FLNC: variants seen among roughly 807,000 people sequenced by gnomAD.
FLNC encodes filamin C.
FLNC carries 91 observed loss-of-function variants against 254.3 expected under a neutral mutation model. The observed-to-expected ratio is 0.36, with a 90% CI of 0.30 to 0.43. The LOEUF (loss-of-function observed/expected upper bound fraction) is 0.43. FLNC is among the 20% of genes least tolerant of loss of function. The pLI is 1.00. For synonymous variants in FLNC, 1,430 were observed against 1,577.2 expected (o/e 0.91, Z 2.21); for missense variants, 2,853 against 3,802.6 (o/e 0.75, Z 6.57).
At chr7:128,843,186 G>C in intron 16 of FLNC, 43 bp from the exon 17 acceptor site, 1 of 1,522,958 alleles carries the variant, frequency 6.6e-7, no homozygotes, top group Admixed American at 1.9e-5. Flanking sequence ...GAGCAGGGGT[G>C]TGTTCCCCTC....
At chr7:128,844,326 GTC>G (rs1808466061) in intron 20 of FLNC, 60 bp downstream of exon 20, 1 of 1,537,034 alleles carries the variant, frequency 6.5e-7, no homozygotes, top group Non-Finnish European at 8.8e-7. Context: ...AGATAGATGA[GTC>G]ATAGGGGGCA....
intron 1 of FLNC, among the ~76,000 whole-genome samples, chr7:128,834,837 A>G (rs2128933496): frequency 6.6e-6 from 1 of 151,750 alleles, no homozygotes; most frequent in South Asian, 2.1e-4. Flanking sequence ...GTGTGCAAGG[A>G]AACTTTGGGG....
chr7:128,847,707 C>A lies in FLNC; in HGVS notation c.4299C>A (p.Phe1433Leu). The change falls in exon 25 of 48, where the codon TTC (phenylalanine) becomes TTA (leucine). Residue 1433 changes from phenylalanine (F) to leucine (L), a missense_variant. By Grantham distance (22) the Phe-to-Leu change is conservative. Coordinates refer to ENST00000325888, the MANE Select transcript of FLNC (RefSeq NM_001458.5). Reference protein sequence around the residue: ...FGGRPIPGSPFRVPVKDVVDP... With the variant: ...FGGRPIPGSPLRVPVKDVVDP... Reference sequence around the variant, plus strand: ...TCCTTCTCCTCACAGGGAGCCCGTTCCGCGTGCCAGTGAAGGATGTGGTGG... The same window carrying A: ...TCCTTCTCCTCACAGGGAGCCCGTTACGCGTGCCAGTGAAGGATGTGGTGG... The A allele has an allele frequency of 6.2e-7, 1 of 1,614,040 alleles. No individual in the cohort carries two copies. Among genetic ancestry groups the A allele is most frequent in the African/African-American group, 1.3e-5 (1 of 75,050 alleles).
rs981816775 is a variant in FLNC, at chr7:128,852,996, A to G, written c.6173A>G (p.Gln2058Arg). ...GKGLSEGHTF[Q>R]VAEFIVDTRN... Reference sequence around the variant, plus strand: ...GGGCTTTCCGAGGGACACACATTCCAGGTGGCAGAGTTCATCGTGGACACT... The same window carrying G: ...GGGCTTTCCGAGGGACACACATTCCGGGTGGCAGAGTTCATCGTGGACACT... Residue 2058 changes from glutamine to arginine, a missense_variant, in exon 37 of 48, where the codon CAG (glutamine) becomes CGG (arginine). Coordinates refer to ENST00000325888, the MANE Select transcript of FLNC (RefSeq NM_001458.5). 35 of 1,613,302 alleles carry G rather than the reference A, an allele frequency of 2.2e-5. No individual in the cohort carries two copies. Among genetic ancestry groups the G allele is most frequent in the Non-Finnish European group, 3.0e-5 (35 of 1,180,024 alleles).
chr7:128,839,077 G>A (rs146727082), intron 8 of FLNC, among the ~76,000 whole-genome samples: 153 of 152,360 alleles, frequency 1.0e-3, no homozygotes, highest in African/African-American at 3.6e-3. Context: ...AAGCCCTCAG[G>A]TGGTGACTGC....
intron 1 of FLNC, among the ~76,000 whole-genome samples, chr7:128,831,551 G>A (rs1172245530): frequency 1.3e-5 from 2 of 152,208 alleles, no homozygotes; most frequent in African/African-American, 4.8e-5. Context: ...AGGCCCGGGG[G>A]CCAGGACAGG....
At chr7:128,831,554 A>G (rs559942830) in intron 1 of FLNC, among the ~76,000 whole-genome samples, 73 of 152,286 alleles carry the variant, frequency 4.8e-4, no homozygotes, top group Non-Finnish European at 1.2e-4. Flanking sequence ...CCCGGGGGCC[A>G]GGACAGGCAG....
chr7:128,843,126 C>A, intron 16 of FLNC, 103 bp from the exon 17 acceptor site: 1 of 1,380,624 alleles, frequency 7.2e-7, no homozygotes, highest in Non-Finnish European at 1.0e-6. Flanking sequence ...GGAGGCTGCC[C>A]CTGTCCATGC....
At position 128,854,487 on chromosome 7, in the gene FLNC, G is replaced by A. The variant is rs1156444972; in HGVS notation, c.6802G>A (p.Glu2268Lys). Reference protein sequence around the residue: ...SGKVEAAEIVEGEDSAYSVRF... With the variant: ...SGKVEAAEIVKGEDSAYSVRF... ...CAAGGTGGAAGCCGCAGAGATCGTC[G>A]AGGGCGAGGACAGCGCCTACAGCGT... Residue 2268 changes from glutamate to lysine, a missense_variant, in exon 41 of 48, where the codon GAG (glutamate) becomes AAG (lysine). Transcript: ENST00000325888. The A allele has an allele frequency of 8.1e-6, 13 of 1,606,916 alleles. No homozygotes were observed. The highest frequency in any genetic ancestry group is 1.1e-5 in the South Asian group (1 of 89,754).
chr7:128,831,014 G>A, intron 1 of FLNC, 25 bp downstream of exon 1: 1 of 1,597,474 alleles, frequency 6.3e-7, no homozygotes, highest in Non-Finnish European at 8.5e-7. Flanking sequence ...CGAGGGCACG[G>A]GCGCTGCGGG....
In FLNC at chr7:128,847,959, G is replaced by A. The variant is rs186904046; in HGVS notation, c.4471G>A (p.Val1491Met). 152 of 1,613,516 alleles carry A rather than the reference G, an allele frequency of 9.4e-5. No homozygotes were observed. The highest frequency in any genetic ancestry group is 1.2e-4 in the Non-Finnish European group (147 of 1,179,740). ...VLGPTGVAEP[V>M]EVRDNGDGTH... ...CCCTTGCCCAGGTGTGGCCGAGCCTGTGGAGGTGCGGGACAATGGAGATGG... is the reference window on the plus strand; with the variant it reads ...CCCTTGCCCAGGTGTGGCCGAGCCTATGGAGGTGCGGGACAATGGAGATGG... The change falls in exon 26 of 48, where the codon GTG (valine) becomes ATG (methionine). Residue 1491 changes from valine to methionine, a missense_variant. Val to Met is a conservative substitution (Grantham distance 21). Coordinates refer to ENST00000325888, the MANE Select transcript of FLNC (RefSeq NM_001458.5).
chr7:128,835,290 G>T lies in FLNC; in HGVS notation c.353-36G>T. On this transcript the variant is annotated intron_variant, in intron 1 of 47. Transcript: ENST00000325888. This position sits in a 1 kb window ranked among gnomAD's most constrained non-coding sequence, Gnocchi z 5.3. The stretch of plus-strand genomic sequence containing the variant: ...GTGCTCTGGGGCAGTGGAGGGTGGG[G>T]CGCCCCTGAGCCCGTCTGTGCCCTC... 4 of 1,611,348 alleles carry T rather than the reference G, an allele frequency of 2.5e-6. No individual in the cohort carries two copies. Among genetic ancestry groups the T allele is most frequent in the Non-Finnish European group, 3.4e-6 (4 of 1,179,770 alleles).
Position 128,838,756 on chromosome 7 carries a change from C to A in FLNC, c.1364C>A (p.Ala455Glu). ...CCACATACCGTGCATGTGGCCTTTG[C>A]GGGTGCCCCCATCACCCGCAGTCCC... ...EGPHTVHVAFAGAPITRSPFP... is the reference protein window; with the variant it reads ...EGPHTVHVAFEGAPITRSPFP... The change falls in exon 8 of 48, where the codon GCG (alanine) becomes GAG (glutamate). Residue 455 changes from alanine to glutamate, a missense_variant. By Grantham distance (107) the Ala-to-Glu change is moderately radical. Transcript: ENST00000325888. 2 of 1,612,996 alleles carry A rather than the reference C, an allele frequency of 1.2e-6. No individual in the cohort carries two copies. The highest frequency in any genetic ancestry group is 1.7e-6 in the Non-Finnish European group (2 of 1,179,984).
In FLNC at chr7:128,853,598, A is replaced by G. The variant is rs1187242046; in HGVS notation, c.6338A>G (p.Lys2113Arg). 1.1e-5 allele frequency: 17 copies of G among 1,614,046 alleles called. No individual in the cohort carries two copies. The highest frequency in any genetic ancestry group is 1.4e-5 in the Non-Finnish European group (17 of 1,180,006). ...TEPGTYIINI[K>R]FADKHVPGSP... ...CCCGGCACCTACATCATCAACATCA[A>G]GTTTGCTGACAAGCACGTGCCTGGT... The change falls in exon 38 of 48, where the codon AAG (lysine) becomes AGG (arginine). Residue 2113 changes from lysine (K) to arginine (R), a missense_variant. By Grantham distance (26) the Lys-to-Arg change is conservative. Transcript: ENST00000325888.
chr7:128,847,520 C>G (rs1483637253), intron 24 of FLNC, among the ~76,000 whole-genome samples, 177 bp from the exon 25 acceptor site: 1 of 152,254 alleles, frequency 6.6e-6, no homozygotes, highest in Non-Finnish European at 1.5e-5. Context: ...AGTCTGCAGT[C>G]AAGTTCATTT....
chr7:128,840,030 C>G lies in FLNC; in HGVS notation c.1419C>G (p.Asn473Lys), dbSNP rs757254472. The G allele has an allele frequency of 1.2e-6, 2 of 1,613,554 alleles. No homozygotes were observed. Among genetic ancestry groups the G allele is most frequent in the Non-Finnish European group, 8.5e-7 (1 of 1,180,016 alleles). The change falls in exon 9 of 48, where the codon AAC becomes AAG. Residue 473 changes from asparagine to lysine, a missense_variant. By Grantham distance (94) the Asn-to-Lys change is moderately conservative (BLOSUM62 0). Coordinates refer to ENST00000325888, the MANE Select transcript of FLNC (RefSeq NM_001458.5). ...PFPVHVSEAC[N>K]PNACRASGRG... ...TTTCTCTTCCTCCCCTAGCCTGTAA[C>G]CCCAACGCCTGCCGCGCCTCTGGGC...
In FLNC at chr7:128,846,015, G is replaced by T; in HGVS notation, c.3816G>T (p.Glu1272Asp). Residue 1272 changes from glutamate (E) to aspartate (D), a missense_variant, in exon 22 of 48, where the codon GAG (glutamate) becomes GAT (aspartate). Coordinates refer to ENST00000325888, the MANE Select transcript of FLNC (RefSeq NM_001458.5). ...PHGVLREVTT[E>D]FTVDARSLTA... Reference sequence around the variant, plus strand: ...GTGTCCTGCGGGAGGTGACCACTGAGTTCACTGTGGATGCAAGATCCCTAA... The same window carrying T: ...GTGTCCTGCGGGAGGTGACCACTGATTTCACTGTGGATGCAAGATCCCTAA... 6.2e-7 allele frequency: 1 copy of T among 1,613,856 alleles called. No individual in the cohort carries two copies. Among genetic ancestry groups the T allele is most frequent in the South Asian group, 1.1e-5 (1 of 91,090 alleles).
chr7:128,858,696 G>C lies in FLNC; in HGVS notation c.*173G>C. 1.6e-6 allele frequency: 1 copy of C among 631,308 alleles called. No homozygotes were observed. Among genetic ancestry groups the C allele is most frequent in the Admixed American group, 2.4e-5 (1 of 41,046 alleles). 39.1% of individuals were successfully genotyped at this position (631,308 alleles called of 1,614,324 possible). Reference sequence around the variant, plus strand: ...AGCCTCCCCACCCCACCGCGCCCCAGGGGTTGGAGGACCTTGTCTGTGTCA... The same window carrying C: ...AGCCTCCCCACCCCACCGCGCCCCACGGGTTGGAGGACCTTGTCTGTGTCA... On this transcript the variant is annotated 3_prime_UTR_variant, in exon 48 of 48. Coordinates refer to ENST00000325888, the MANE Select transcript of FLNC (RefSeq NM_001458.5). This position sits in a 1 kb window ranked among gnomAD's most constrained non-coding sequence, Gnocchi z 6.7.
chr7:128,840,897 T>C lies in FLNC; in HGVS notation c.1740T>C (p.Gly580=), dbSNP rs1415620695. 1 of 1,613,484 alleles carries C rather than the reference T, an allele frequency of 6.2e-7. No homozygotes were observed. Among genetic ancestry groups the C allele is most frequent in the Non-Finnish European group, 8.5e-7 (1 of 1,179,844 alleles). The stretch of plus-strand genomic sequence containing the variant: ...AAAAGGTCCGGGCCTGGGGTCCTGG[T>C]TTGGAGACTGGCCAGGTGGGCAAGT... The part of the protein sequence containing the change: ...GVQKVRAWGP[G]LETGQVGKSA... The change falls in exon 11 of 48, where the codon GGT becomes GGC. Residue 580 remains glycine (G), a synonymous_variant. Coordinates refer to ENST00000325888, the MANE Select transcript of FLNC (RefSeq NM_001458.5).
Sources: allele counts gnomAD v4.1 joint callset (sites outside exome capture counted in the v4.1 genomes callset), GRCh38; gene constraint gnomAD v4.1.1; non-coding constraint Gnocchi (gnomAD v3.1); transcripts MANE v1.5; gene names NCBI Gene and HGNC (gene_info 2026-07-23, HGNC 2026-07-21).